SEL1L3: variants seen among roughly 807,000 people sequenced by gnomAD.
The protein encoded by SEL1L3 is SEL1L family member 3.
Under a neutral mutation model 142.8 loss-of-function variants are expected in SEL1L3, and 76 were observed. The observed-to-expected ratio is 0.53, with a 90% CI of 0.44 to 0.64. The LOEUF is 0.64. Among genes scored for constraint, SEL1L3 ranks in the 30% least tolerant of loss-of-function variants. SEL1L3 has a pLI of 0.00. For synonymous variants in SEL1L3, 504 were observed against 519.6 expected, an observed-to-expected ratio of 0.97 and a Z score of 0.41; for missense variants, 1,262 against 1,381.7, an observed-to-expected ratio of 0.91 and a Z score of 1.37.
chr4:25,806,352 T>A (rs1713577238), intron 9 of SEL1L3, among the ~76,000 whole-genome samples: 3 of 151,696 alleles, frequency 2.0e-5, no homozygotes, highest in Admixed American at 6.6e-5. Context: ...TTTTTTTTTT[T>A]AAAGCTCAGG....
At chr4:25,848,835 A>T (rs1577694884) in intron 1 of SEL1L3, among the ~76,000 whole-genome samples, 1 of 152,220 alleles carries the variant, frequency 6.6e-6, no homozygotes, top group Non-Finnish European at 1.5e-5. Context: ...AATAAATTAG[A>T]CACAGAATTA....
intron 20 of SEL1L3, 113 bp from the exon 21 acceptor site, chr4:25,759,181 G>C (rs1718209967): frequency 9.1e-7 from 1 of 1,098,088 alleles, no homozygotes; most frequent in African/African-American, 1.6e-5. Context: ...TAAGTCTCTA[G>C]AGCCAGATGG....
chr4:25,785,861 A>G (rs1711789171), intron 13 of SEL1L3, among the ~76,000 whole-genome samples: 1 of 152,228 alleles, frequency 6.6e-6, no homozygotes, highest in African/African-American at 2.4e-5. Context: ...ACGGGGGCCC[A>G]GAGCAGTTGA....
At chr4:25,752,444 A>G (rs2109111727) in intron 23 of SEL1L3, among the ~76,000 whole-genome samples, 1 of 151,070 alleles carries the variant, frequency 6.6e-6, no homozygotes, top group East Asian at 2.0e-4. Flanking sequence ...AAAAAGTTGA[A>G]TGTTTTAGAA....
intron 9 of SEL1L3, among the ~76,000 whole-genome samples, chr4:25,815,867 TG>T (rs35511602): frequency 6.1e-5 from 9 of 146,934 alleles, no homozygotes; most frequent in African/African-American, 2.3e-4. Context: ...GGAGGGATAT[TG>T]GGGGGGGTGC....
At chr4:25,815,045 G>A (rs1018319423) in intron 9 of SEL1L3, among the ~76,000 whole-genome samples, 3 of 152,134 alleles carry the variant, frequency 2.0e-5, no homozygotes, top group Non-Finnish European at 2.9e-5. Flanking sequence ...CCTAAACTTC[G>A]GTTCTCCCTC....
chr4:25,854,604 A>G (rs990036457), intron 1 of SEL1L3, among the ~76,000 whole-genome samples: 2 of 152,150 alleles, frequency 1.3e-5, no homozygotes, highest in Non-Finnish European at 2.9e-5. Context: ...TCCCAGATAG[A>G]GTTTTGAAGA....
chr4:25,820,309 AAG>A (rs34084839), intron 7 of SEL1L3, among the ~76,000 whole-genome samples: 24,000 of 152,162 alleles, frequency 0.16, 5,152 homozygotes, highest in African/African-American at 0.48. Flanking sequence ...TGCTGCATCA[AAG>A]AGAGCCCTCC....
intron 9 of SEL1L3, among the ~76,000 whole-genome samples, chr4:25,817,749 T>C (rs1465678366): frequency 6.7e-6 from 1 of 148,616 alleles, no homozygotes; most frequent in African/African-American, 2.6e-5. Context: ...TTTTTTCTTC[T>C]TTTTTTTTAA....
At chr4:25,723,571 G>T in the SEL1L3 span, among the ~76,000 whole-genome samples, 3 of 152,208 alleles carry the variant, frequency 2.0e-5, no homozygotes, top group Non-Finnish European at 2.9e-5. Flanking sequence ...TAAGGTCTCA[G>T]ATTTCAATAC....
intron 11 of SEL1L3, among the ~76,000 whole-genome samples, chr4:25,791,488 T>C (rs1331958365): frequency 2.0e-5 from 3 of 152,234 alleles, no homozygotes; most frequent in Non-Finnish European, 4.4e-5. Flanking sequence ...TCTTTATACA[T>C]AATGAAGTCG....
chr4:25,748,959 G>A (rs1448805053), intron 23 of SEL1L3, among the ~76,000 whole-genome samples: 1 of 152,080 alleles, frequency 6.6e-6, no homozygotes, highest in African/African-American at 2.4e-5. Context: ...GATGGGGAGG[G>A]GCAGGATGTT....
chr4:25,776,128 C>T, intron 17 of SEL1L3, 149 bp downstream of exon 17: 1 of 459,840 alleles, frequency 2.2e-6, no homozygotes. Flanking sequence ...AATCAACAGC[C>T]AATCAGTCCA....
At position 25,822,124 on chromosome 4, in the gene SEL1L3, G is replaced by A. The variant is rs200125277; in HGVS notation, c.1162C>T (p.Arg388Trp). ...GTGTCATTATAATGGAAATCCTCCC[G>A]GAAGCTAGAGAAGAGAATGAAGGAT... Reference protein sequence around the residue: ...KSYHNQTISFREDFHYNDTAG... With the variant: ...KSYHNQTISFWEDFHYNDTAG... Residue 388 changes from arginine to tryptophan, a missense_variant, in exon 7 of 24, where the codon CGG (arginine) becomes TGG (tryptophan). Arg to Trp is a moderately radical substitution (Grantham distance 101). This residue lies in a region of SEL1L3 where 689 missense variants were observed against 692.8 expected (regional missense o/e 0.99). Coordinates refer to ENST00000399878, the MANE Select transcript of SEL1L3 (RefSeq NM_015187.5). The A allele has an allele frequency of 2.4e-5, 39 of 1,613,840 alleles. No individual in the cohort carries two copies. The highest frequency in any genetic ancestry group is 6.7e-5 in the East Asian group (3 of 44,880).
chr4:25,743,629 T>C (rs865836341), downstream of SEL1L3, among the ~76,000 whole-genome samples: 3 of 152,164 alleles, frequency 2.0e-5, no homozygotes, highest in Non-Finnish European at 2.9e-5. Flanking sequence ...AGGTCACAGA[T>C]AGGCGAGAGA....
intron 20 of SEL1L3, 181 bp from the exon 21 acceptor site, chr4:25,759,249 T>A (rs1186651354): frequency 1.6e-6 from 1 of 608,564 alleles, no homozygotes; most frequent in African/African-American, 1.9e-5. Context: ...AGAAATTTAT[T>A]TGCAGGAGAA....
chr4:25,738,150 A>T, the SEL1L3 span, among the ~76,000 whole-genome samples: 1 of 152,150 alleles, frequency 6.6e-6, no homozygotes, highest in Non-Finnish European at 1.5e-5. Flanking sequence ...GAACCTCCCA[A>T]AGTGCTGGGA....
intron 1 of SEL1L3, among the ~76,000 whole-genome samples, chr4:25,857,629 T>G (rs1433349869): frequency 1.3e-5 from 2 of 152,172 alleles, no homozygotes; most frequent in Non-Finnish European, 2.9e-5. Context: ...AGAGGGTAAG[T>G]AACTTGCCCA....
chr4:25,716,253 A>G, the SEL1L3 span, among the ~76,000 whole-genome samples: 1 of 152,330 alleles, frequency 6.6e-6, no homozygotes, highest in African/African-American at 2.4e-5. Flanking sequence ...ATGGCCAATT[A>G]ACATAATAAG....
Sources: gnomAD v4.1 joint callset for allele counts (sites outside exome capture counted in the v4.1 genomes callset) on GRCh38, gnomAD v4.1.1 for gene constraint, gnomAD v4.1.1 regional missense constraint, MANE v1.5 for transcripts, NCBI Gene and HGNC (gene_info 2026-07-23, HGNC 2026-07-21) for gene names.